Variants in MSRA observed in about 807,000 individuals in gnomAD.
MSRA encodes methionine sulfoxide reductase A.
Under a neutral mutation model 31.3 loss-of-function variants are expected in MSRA, and 54 were observed. The observed-to-expected ratio is 1.73, with a 90% CI of 1.39 to 2.17. MSRA has a LOEUF of 2.17. Ranked by LOEUF, MSRA falls within the 30% of genes most tolerant of loss-of-function variation. The pLI is 0.00. For missense variants in MSRA, 507 were observed against 300.9 expected (o/e 1.69, Z -5.07); for synonymous variants, 169 against 116.5 (o/e 1.45, Z -2.90).
At position 10,275,049 on chromosome 8, in the gene MSRA, G is replaced by A. The variant is rs188326224; in HGVS notation, c.332-26485G>A. ...TATTGGAATTAATCAAGGACATGAC[G>A]TGCAAATGCATTATTTTCATCAGTT... On this transcript the variant is annotated intron_variant, in intron 3 of 5. Coordinates refer to ENST00000317173, the MANE Select transcript of MSRA (RefSeq NM_012331.5). 2.9e-3 allele frequency among the ~76,000 whole-genome samples: 435 copies of A among 149,632 alleles called. 3 individuals are homozygous for A. The highest frequency in any genetic ancestry group is 0.011 in the Middle Eastern group (3 of 284).
chr8:10,195,651 G>C (rs892699986), intron 1 of MSRA, among the ~76,000 whole-genome samples: 1 of 152,180 alleles, frequency 6.6e-6, no homozygotes, highest in Non-Finnish European at 1.5e-5. Context: ...GTTTTTAATG[G>C]AGGCCAGCTG....
chr8:10,211,690 A>G (rs1270266757), intron 2 of MSRA, among the ~76,000 whole-genome samples: 1 of 152,166 alleles, frequency 6.6e-6, no homozygotes, highest in Non-Finnish European at 1.5e-5. Flanking sequence ...AGATTAAAGA[A>G]ACATGGCCGA....
chr8:10,353,557 G>A lies in MSRA; in HGVS notation c.543+33568G>A, dbSNP rs992026878. Reference sequence around the variant, plus strand: ...GCACGACACCTGACGTTTCTGTAACGAGATGCAATTTTCTGGGTAGCCTCT... The same window carrying A: ...GCACGACACCTGACGTTTCTGTAACAAGATGCAATTTTCTGGGTAGCCTCT... On this transcript the variant is annotated intron_variant, in intron 5 of 5. Coordinates refer to ENST00000317173, the MANE Select transcript of MSRA (RefSeq NM_012331.5). 15 of 455,218 alleles carry A rather than the reference G, an allele frequency of 3.3e-5. 1 individual carries two copies. Among genetic ancestry groups the A allele is most frequent in the Admixed American group, 2.4e-4 (10 of 42,464 alleles). The allele number at this position is 455,218 out of a possible 1,614,324, so 28.2% of individuals were successfully genotyped here.
intron 3 of MSRA, among the ~76,000 whole-genome samples, chr8:10,285,421 T>C (rs1243088780): frequency 2.0e-5 from 3 of 152,356 alleles, no homozygotes; most frequent in African/African-American, 4.8e-5. Flanking sequence ...CATACATGTA[T>C]ACAATGTGTA....
chr8:10,219,916 TCAAA>T (rs1253449002), intron 2 of MSRA, among the ~76,000 whole-genome samples: 1 of 150,916 alleles, frequency 6.6e-6, no homozygotes, highest in Admixed American at 6.6e-5. Flanking sequence ...GCAATCAAAA[TCAAA>T]CAGTGCCAGT....
chr8:10,167,380 A>G (rs1198005772), intron 1 of MSRA, among the ~76,000 whole-genome samples: 2 of 152,218 alleles, frequency 1.3e-5, no homozygotes, highest in East Asian at 3.8e-4. Context: ...TGTTATTAAC[A>G]TGTAAAAGAC....
chr8:10,216,597 G>A (rs1239345062), intron 2 of MSRA, among the ~76,000 whole-genome samples: 2 of 152,110 alleles, frequency 1.3e-5, no homozygotes, highest in African/African-American at 4.8e-5. Context: ...CCCAGCCCCT[G>A]GTAACCTCTA....
chr8:10,243,437 G>A lies in MSRA; in HGVS notation c.212-1667G>A, dbSNP rs184528295. On this transcript the variant is annotated intron_variant, in intron 2 of 5. Transcript: ENST00000317173. The stretch of plus-strand genomic sequence containing the variant: ...AAAATTAATAGTGAATGCTTTTGCC[G>A]GAGACCTGTGGATACTTAATTTTTA... Among the ~76,000 whole-genome samples, 293 of 152,180 alleles carry A rather than the reference G, an allele frequency of 1.9e-3. 1 individual carries two copies. The highest frequency in any genetic ancestry group is 6.7e-3 in the African/African-American group (280 of 41,508).
intron 5 of MSRA, among the ~76,000 whole-genome samples, chr8:10,324,231 C>G (rs1021736485): frequency 1.3e-5 from 2 of 152,152 alleles, no homozygotes; most frequent in Admixed American, 6.5e-5. Flanking sequence ...GGAACTGAAT[C>G]TTTTAATTAA....
rs1809312778 is a variant in MSRA at position 10,428,224 on chromosome 8, A to G, written c.620A>G (p.Tyr207Cys). 1 of 1,614,068 alleles carries G rather than the reference A, an allele frequency of 6.2e-7. No individual in the cohort carries two copies. Among genetic ancestry groups the G allele is most frequent in the South Asian group, 1.1e-5 (1 of 91,082 alleles). The change falls in exon 6 of 6, where the codon TAC (tyrosine) becomes TGC (cysteine). Residue 207 changes from tyrosine (Y) to cysteine (C), a missense_variant. Tyr to Cys is a radical substitution (Grantham distance 194). Transcript: ENST00000317173. Reference protein sequence around the residue: ...EGQTFYYAEDYHQQYLSKNPN... With the variant: ...EGQTFYYAEDCHQQYLSKNPN... The stretch of plus-strand genomic sequence containing the variant: ...CAGACTTTCTACTATGCGGAAGACT[A>G]CCACCAGCAGTACCTGAGCAAGAAC...
intron 5 of MSRA, among the ~76,000 whole-genome samples, chr8:10,361,880 G>C (rs983661070): frequency 4.6e-5 from 7 of 152,030 alleles, no homozygotes. Flanking sequence ...AGTTTTGTGG[G>C]TTTTCTTAGT....
intron 1 of MSRA, among the ~76,000 whole-genome samples, chr8:10,187,249 C>T (rs1291084723): frequency 3.3e-5 from 5 of 152,172 alleles, no homozygotes; most frequent in East Asian, 3.9e-4. Flanking sequence ...GAAACTTGGC[C>T]GGTGATACCT....
chr8:10,055,250 C>T (rs943860597), intron 1 of MSRA, among the ~76,000 whole-genome samples: 1 of 152,218 alleles, frequency 6.6e-6, no homozygotes, highest in East Asian at 1.9e-4. Flanking sequence ...GCTGGGTCAG[C>T]TTAAAGCGAT....
At chr8:10,126,865 C>T (rs1337049759) in intron 1 of MSRA, among the ~76,000 whole-genome samples, 1 of 152,190 alleles carries the variant, frequency 6.6e-6, no homozygotes, top group Non-Finnish European at 1.5e-5. Context: ...ACATGCAGTT[C>T]ACAATAGGGT....
At chr8:10,238,247 C>G (rs1022907265) in intron 2 of MSRA, among the ~76,000 whole-genome samples, 2 of 152,206 alleles carry the variant, frequency 1.3e-5, no homozygotes, top group African/African-American at 4.8e-5. Context: ...GCCTCCATGG[C>G]TTTGTTTGCA....
intron 1 of MSRA, among the ~76,000 whole-genome samples, chr8:10,164,884 C>G (rs1221329248): frequency 2.6e-5 from 4 of 152,226 alleles, no homozygotes; most frequent in African/African-American, 9.6e-5. Flanking sequence ...AAAAATTAGC[C>G]TGGTGTTGTC....
intron 1 of MSRA, among the ~76,000 whole-genome samples, chr8:10,206,664 G>C (rs766715749): frequency 2.0e-5 from 3 of 152,152 alleles, no homozygotes; most frequent in Non-Finnish European, 4.4e-5. Flanking sequence ...TCTCACCCTT[G>C]CCTTTGCAAA....
At chr8:10,155,155 A>C in intron 1 of MSRA, among the ~76,000 whole-genome samples, 1 of 152,140 alleles carries the variant, frequency 6.6e-6, no homozygotes, top group East Asian at 1.9e-4. Flanking sequence ...AATGACGACA[A>C]TAAGGATAAA....
At chr8:10,169,400 C>T (rs1478700476) in intron 1 of MSRA, among the ~76,000 whole-genome samples, 2 of 152,232 alleles carry the variant, frequency 1.3e-5, no homozygotes, top group African/African-American at 4.8e-5. Context: ...CTGTGTGTTA[C>T]TGCCACTTTC....
Sources: allele counts gnomAD v4.1 joint callset (sites outside exome capture counted in the v4.1 genomes callset), GRCh38; gene constraint gnomAD v4.1.1; transcripts MANE v1.5; gene names NCBI Gene and HGNC (gene_info 2026-07-23, HGNC 2026-07-21).